The following DLG2 variants were observed in gnomAD, a reference collection of about 807,000 sequenced individuals.
DLG2 encodes disks large homolog 2.
DLG2 carries 45 observed loss-of-function variants against 132.5 expected under a neutral mutation model. The ratio of observed to expected loss-of-function variants is 0.34; its 90% CI spans 0.27 to 0.44. DLG2 has a LOEUF of 0.44. Among genes scored for constraint, DLG2 ranks in the 20% least tolerant of loss-of-function variants. The pLI is 1.00. For missense variants in DLG2, 1,045 were observed against 1,196.9 expected, an observed-to-expected ratio of 0.87 and a Z score of 1.87; for synonymous variants, 424 against 419.6, an observed-to-expected ratio of 1.01 and a Z score of -0.13.
chr11:83,625,063 C>T (rs1176833193), intron 19 of DLG2, among the ~76,000 whole-genome samples: 2 of 152,156 alleles, frequency 1.3e-5, no homozygotes, highest in Non-Finnish European at 2.9e-5. Flanking sequence ...AAGTGAATAA[C>T]TAATGATCTT....
intron 6 of DLG2, among the ~76,000 whole-genome samples, chr11:84,946,766 C>T (rs1324499683): frequency 6.6e-6 from 1 of 152,128 alleles, no homozygotes; most frequent in Non-Finnish European, 1.5e-5. Flanking sequence ...TGGCTCCAAG[C>T]TCAGCCCAGC....
In DLG2 at chr11:83,455,739, T is replaced by C. The variant is rs1225241507; in HGVS notation, c.*4079A>G. ...GTGTACATGGTATACATACCATATATACCATACATACACAGAAGTAAAATG... is the reference window on the plus strand; with the variant it reads ...GTGTACATGGTATACATACCATATACACCATACATACACAGAAGTAAAATG... On this transcript the variant is annotated 3_prime_UTR_variant, in exon 28 of 28. Transcript: ENST00000376104. 2 of 152,636 alleles carry C rather than the reference T, an allele frequency of 1.3e-5. No homozygotes were observed. The highest frequency in any genetic ancestry group is 2.9e-5 in the Non-Finnish European group (2 of 68,038). The allele number at this position is 152,636 out of a possible 1,614,324, so 9.5% of individuals were successfully genotyped here.
chr11:85,351,378 A>C (rs950943210), intron 3 of DLG2, among the ~76,000 whole-genome samples: 1 of 152,082 alleles, frequency 6.6e-6, no homozygotes. Flanking sequence ...TCACTTCCTC[A>C]TTTCCTAATT....
chr11:84,859,182 C>T (rs1293097747), intron 6 of DLG2, among the ~76,000 whole-genome samples: 2 of 151,042 alleles, frequency 1.3e-5, no homozygotes, highest in Non-Finnish European at 3.0e-5. Context: ...ACTTCTTCCC[C>T]TGAAAAAGTA....
At chr11:84,380,714 A>C (rs927066695) in intron 7 of DLG2, among the ~76,000 whole-genome samples, 9 of 152,010 alleles carry the variant, frequency 5.9e-5, no homozygotes, top group African/African-American at 2.2e-4. Context: ...GACTGTAAAA[A>C]ACAGAACAAA....
At chr11:83,730,146 G>GTTTTT (rs541441004) in intron 18 of DLG2, among the ~76,000 whole-genome samples, 12 of 110,974 alleles carry the variant, frequency 1.1e-4, no homozygotes, top group African/African-American at 2.8e-4. Flanking sequence ...TTTTTTTATG[G>GTTTTT]TTTTTTTTTT....
intron 6 of DLG2, among the ~76,000 whole-genome samples, chr11:84,935,037 G>C (rs919784364): frequency 6.6e-6 from 1 of 152,050 alleles, no homozygotes; most frequent in African/African-American, 2.4e-5. Flanking sequence ...CCTATTTTAA[G>C]AAATGGCACT....
intron 6 of DLG2, among the ~76,000 whole-genome samples, chr11:84,791,587 TTA>T (rs2073855338): frequency 6.6e-6 from 1 of 152,200 alleles, no homozygotes; most frequent in Non-Finnish European, 1.5e-5. Context: ...GAATATCTTT[TTA>T]TGTTTTTGTG....
chr11:83,841,965 A>G (rs2057636110), intron 16 of DLG2, among the ~76,000 whole-genome samples: 1 of 152,244 alleles, frequency 6.6e-6, no homozygotes, highest in Non-Finnish European at 1.5e-5. Flanking sequence ...AAGCTAAAGT[A>G]GCCAAGAGTA....
intron 6 of DLG2, among the ~76,000 whole-genome samples, chr11:85,032,681 C>T (rs1330626287): frequency 6.6e-6 from 1 of 152,082 alleles, no homozygotes; most frequent in Non-Finnish European, 1.5e-5. Flanking sequence ...AAATTATAGC[C>T]TATCACTTCT....
Position 85,343,628 on chromosome 11 carries a change from T to G in DLG2, c.41-58263A>C, listed in dbSNP as rs369775263. Among the ~76,000 whole-genome samples, 11 of 152,192 alleles carry G rather than the reference T, an allele frequency of 7.2e-5. No individual in the cohort carries two copies. The East Asian group carries it at 2.1e-3, about 29-fold the overall frequency. On this transcript the variant is annotated intron_variant, in intron 3 of 27. Coordinates refer to ENST00000376104, the MANE Select transcript of DLG2 (RefSeq NM_001142699.3). ...TATGTGTGCACACGTTCTCTCTCTC[T>G]CTCTCACACACACACACGCGCGTAC...
At chr11:84,178,010 A>G (rs1231125697) in intron 8 of DLG2, among the ~76,000 whole-genome samples, 1 of 152,098 alleles carries the variant, frequency 6.6e-6, no homozygotes, top group East Asian at 1.9e-4. Flanking sequence ...TGATTAAAAA[A>G]AAAAACTGCT....
chr11:83,481,590 T>G (rs2093115609), intron 22 of DLG2, among the ~76,000 whole-genome samples: 1 of 152,156 alleles, frequency 6.6e-6, no homozygotes, highest in South Asian at 2.1e-4. Context: ...AAGCATGGGT[T>G]AAATTCACAC....
At position 84,939,966 on chromosome 11, in the gene DLG2, G is replaced by T. The variant is rs76325408; in HGVS notation, c.357+171695C>A. Among the ~76,000 whole-genome samples, 486 of 152,252 alleles carry T rather than the reference G, an allele frequency of 3.2e-3. 4 individuals are homozygous for T. The highest frequency in any genetic ancestry group is 0.011 in the African/African-American group (445 of 41,542). On this transcript the variant is annotated intron_variant, in intron 6 of 27. Coordinates refer to ENST00000376104, the MANE Select transcript of DLG2 (RefSeq NM_001142699.3). Reference sequence around the variant, plus strand: ...ATCAGTGTGTTTGCTGGGTCATATAGTAGTTCTGTTTTTAGCTTTCTGAGG... The same window carrying T: ...ATCAGTGTGTTTGCTGGGTCATATATTAGTTCTGTTTTTAGCTTTCTGAGG...
chr11:85,597,375 T>C (rs1302860623), intron 3 of DLG2, among the ~76,000 whole-genome samples: 1 of 152,052 alleles, frequency 6.6e-6, no homozygotes, highest in African/African-American at 2.4e-5. Flanking sequence ...AAATATTAAT[T>C]TTATCAAAAA....
intron 18 of DLG2, among the ~76,000 whole-genome samples, chr11:83,730,216 C>A (rs185994842): frequency 1.2e-3 from 148 of 122,480 alleles, no homozygotes; most frequent in Admixed American, 3.1e-3. Flanking sequence ...TTTACTGTTT[C>A]ATCTGCTATA....
At chr11:85,069,495 T>C (rs1280613192) in intron 6 of DLG2, among the ~76,000 whole-genome samples, 13 of 152,116 alleles carry the variant, frequency 8.5e-5, no homozygotes, top group South Asian at 2.1e-4. Flanking sequence ...GGGCGAAGGA[T>C]ATGAACAGAC....
chr11:84,033,818 C>T (rs1452645806), intron 11 of DLG2, among the ~76,000 whole-genome samples: 1 of 152,162 alleles, frequency 6.6e-6, no homozygotes, highest in Non-Finnish European at 1.5e-5. Context: ...ATGGGCAGAT[C>T]ACCTAAGGCC....
At chr11:83,515,769 A>T (rs998339347) in intron 21 of DLG2, among the ~76,000 whole-genome samples, 4 of 152,094 alleles carry the variant, frequency 2.6e-5, no homozygotes, top group Admixed American at 2.6e-4. Flanking sequence ...TTCTGCCTTC[A>T]TTTCGTTATG....
Sources: allele counts gnomAD v4.1 joint callset (sites outside exome capture counted in the v4.1 genomes callset), GRCh38; gene constraint gnomAD v4.1.1; transcripts MANE v1.5; gene names NCBI Gene and HGNC (gene_info 2026-07-23, HGNC 2026-07-21).